Variants in RERE observed in about 807,000 individuals in gnomAD.
The protein encoded by RERE is arginine-glutamic acid dipeptide repeats protein.
A neutral mutation model predicts 146.1 loss-of-function variants in RERE; 40 were observed. The ratio of observed to expected loss-of-function variants is 0.27; its 90% CI spans 0.21 to 0.36. The LOEUF (loss-of-function observed/expected upper bound fraction) is 0.36. RERE is among the 10% of genes least tolerant of loss of function. RERE has a pLI of 1.00. For synonymous variants in RERE, 1,003 were observed against 866.0 expected (o/e 1.16, Z -2.78); for missense variants, 1,933 against 2,138.7 (o/e 0.90, Z 1.90).
intron 13 of RERE, among the ~76,000 whole-genome samples, 179 bp downstream of exon 13, chr1:8,365,633 C>T (rs537838062): frequency 2.6e-5 from 4 of 152,346 alleles, no homozygotes; most frequent in African/African-American, 9.6e-5. Context: ...GAATCCTTGT[C>T]CTGCTCCCCG....
At chr1:8,509,489 G>A (rs1025201573) in intron 7 of RERE, among the ~76,000 whole-genome samples, 3 of 152,066 alleles carry the variant, frequency 2.0e-5, no homozygotes, top group African/African-American at 2.4e-5. Context: ...TATAAGCCAG[G>A]AATTGTCCTA....
chr1:8,786,928 C>T lies in RERE; in HGVS notation c.-145+30232G>A, dbSNP rs1004577004. On this transcript the variant is annotated intron_variant, in intron 1 of 22. Transcript: ENST00000400908. ...AGGAACCTTCTTCTTCTCTTCAACA[C>T]CCTCCATGGTTCCAGCTGGTAAAGA... The T allele has an allele frequency of 1.8e-5, 13 of 738,802 alleles. No homozygotes were observed. The Admixed American group carries it at 2.0e-4, about 11-fold the overall frequency. The allele number at this position is 738,802 out of a possible 1,614,324, so 45.8% of individuals were successfully genotyped here.
At chr1:8,372,793 C>T (rs1412569851) in intron 12 of RERE, among the ~76,000 whole-genome samples, 1 of 152,206 alleles carries the variant, frequency 6.6e-6, no homozygotes. Context: ...AAACCAGATC[C>T]CTGCAACGTC....
At chr1:8,542,792 C>T (rs1226723789) in intron 6 of RERE, among the ~76,000 whole-genome samples, 3 of 152,264 alleles carry the variant, frequency 2.0e-5, no homozygotes, top group East Asian at 1.9e-4. Context: ...AGGTGTGAAC[C>T]ACTGCACCCA....
chr1:8,682,071 C>T (rs1638984239), intron 1 of RERE, among the ~76,000 whole-genome samples: 1 of 152,126 alleles, frequency 6.6e-6, no homozygotes, highest in South Asian at 2.1e-4. Flanking sequence ...TACTCTGAAC[C>T]CTACCTACCC....
chr1:8,764,943 C>T (rs1287096131), intron 1 of RERE, among the ~76,000 whole-genome samples: 2 of 152,188 alleles, frequency 1.3e-5, no homozygotes, highest in Non-Finnish European at 2.9e-5. Context: ...TTGTCAGTTT[C>T]TCAAAATGTT....
chr1:8,520,679 C>T (rs151229447), intron 7 of RERE, among the ~76,000 whole-genome samples: 90 of 144,772 alleles, frequency 6.2e-4, no homozygotes, highest in African/African-American at 2.1e-3. Context: ...ACTGTAATGG[C>T]CTGTGGCAAA....
In RERE at chr1:8,361,446, A is replaced by G; in HGVS notation, c.2061T>C (p.Ser687=). ...CATCGTTGACGCTGCGACTGTCTGAACTCTCTCCCTCACCTTCAGATGGCG... is the reference window on the plus strand; with the variant it reads ...CATCGTTGACGCTGCGACTGTCTGAGCTCTCTCCCTCACCTTCAGATGGCG... ...PNSPSEGEGE[S]SDSRSVNDEG... The change falls in exon 18 of 23, where the codon AGT becomes AGC. Residue 687 remains serine, a synonymous_variant. Coordinates refer to ENST00000400908, the MANE Select transcript of RERE (RefSeq NM_001042681.2). 6.2e-7 allele frequency: 1 copy of G among 1,612,072 alleles called. No homozygotes were observed. Among genetic ancestry groups the G allele is most frequent in the South Asian group, 1.1e-5 (1 of 91,000 alleles).
At chr1:8,752,257 G>A (rs1216477033) in intron 1 of RERE, among the ~76,000 whole-genome samples, 1 of 151,820 alleles carries the variant, frequency 6.6e-6, no homozygotes, top group Non-Finnish European at 1.5e-5. Flanking sequence ...GATGAATTTT[G>A]ACTTTGCTTT....
chr1:8,728,457 G>T (rs1251795739), intron 1 of RERE, among the ~76,000 whole-genome samples: 3 of 137,988 alleles, frequency 2.2e-5, no homozygotes, highest in Non-Finnish European at 4.7e-5. Context: ...AGTCATAAGA[G>T]ACCATCAAAA....
chr1:8,768,751 C>T (rs1193687599), intron 1 of RERE, among the ~76,000 whole-genome samples: 1 of 152,048 alleles, frequency 6.6e-6, no homozygotes, highest in African/African-American at 2.4e-5. Flanking sequence ...GTAACAACAC[C>T]GACGCTTGTC....
At chr1:8,816,075 C>T (rs1433317902) in intron 1 of RERE, among the ~76,000 whole-genome samples, 1 of 152,084 alleles carries the variant, frequency 6.6e-6, no homozygotes, top group Admixed American at 6.6e-5. Context: ...CTCCCCTCCC[C>T]CAACAGACTG....
Position 8,353,746 on chromosome 1 carries a change from AT to A in RERE, c.*1340del. 1 of 152,446 alleles carries A rather than the reference AT, an allele frequency of 6.6e-6. No homozygotes were observed. The highest frequency in any genetic ancestry group is 2.4e-5 in the African/African-American group (1 of 41,584). The allele number at this position is 152,446 out of a possible 1,614,324, so 9.4% of individuals were successfully genotyped here. A position where few individuals can be genotyped will look rare whatever the true frequency, so the allele number is the denominator to read the frequency against. On this transcript the variant is annotated 3_prime_UTR_variant, in exon 23 of 23. Transcript: ENST00000400908. The stretch of plus-strand genomic sequence containing the variant: ...TGGGACTCCAGTTCCCACTTCCAGG[AT>A]GAAGAGTGGGACTCAAATGGTTTAC...
chr1:8,743,810 T>G (rs1341925871), intron 1 of RERE, among the ~76,000 whole-genome samples: 1 of 152,092 alleles, frequency 6.6e-6, no homozygotes, highest in African/African-American at 2.4e-5. Context: ...CATGACCACT[T>G]ACTCCCTCAG....
chr1:8,698,689 A>C (rs1639385576), intron 1 of RERE, among the ~76,000 whole-genome samples: 1 of 152,084 alleles, frequency 6.6e-6, no homozygotes. Flanking sequence ...ATTTTTTTTA[A>C]TAGATAGAGA....
At chr1:8,694,981 G>GGT (rs369046389) in intron 1 of RERE, among the ~76,000 whole-genome samples, 2 of 125,404 alleles carry the variant, frequency 1.6e-5, no homozygotes, top group Non-Finnish European at 3.5e-5. Context: ...TAAGGGGGGG[G>GGT]GGGGAATGCT....
At chr1:8,456,080 G>A (rs545771831) in intron 11 of RERE, among the ~76,000 whole-genome samples, 22 of 152,266 alleles carry the variant, frequency 1.4e-4, no homozygotes, top group African/African-American at 4.8e-4. Flanking sequence ...AGCAAATGCC[G>A]GCCGACAAGG....
intron 1 of RERE, among the ~76,000 whole-genome samples, chr1:8,671,562 C>A (rs751575695): frequency 6.6e-6 from 1 of 152,056 alleles, no homozygotes; most frequent in South Asian, 2.1e-4. Context: ...TCTGGGCTAA[C>A]GAATTAAGGA....
intron 1 of RERE, chr1:8,799,569 T>G (rs1225236905): frequency 6.6e-6 from 1 of 152,642 alleles, no homozygotes; most frequent in Non-Finnish European, 1.5e-5. Context: ...TAGCCAGGCA[T>G]GGTGACATGC....
Sources: gnomAD v4.1 joint callset for allele counts (sites outside exome capture counted in the v4.1 genomes callset) on GRCh38, gnomAD v4.1.1 for gene constraint, MANE v1.5 for transcripts, NCBI Gene and HGNC (gene_info 2026-07-23, HGNC 2026-07-21) for gene names.